Variants in BICD2 observed in about 807,000 individuals in gnomAD.
BICD2 encodes the protein BICD cargo adaptor 2.
In BICD2, 25 loss-of-function variants were observed where a neutral mutation model predicts 72.9. The ratio of observed to expected loss-of-function variants is 0.34; its 90% CI spans 0.25 to 0.48. BICD2 has a LOEUF of 0.48. Among genes scored for constraint, BICD2 ranks in the 20% least tolerant of loss-of-function variants. The probability of loss-of-function intolerance (pLI) is 0.99; values close to 1 mark genes in which losing one functional copy is unlikely to be tolerated. For synonymous variants in BICD2, 501 were observed against 516.1 expected (o/e 0.97, Z 0.40); for missense variants, 894 against 1,175.2 (o/e 0.76, Z 3.50).
intron 1 of BICD2, among the ~76,000 whole-genome samples, chr9:92,732,754 GC>G (rs143188828): frequency 1.0e-3 from 157 of 152,202 alleles, no homozygotes; most frequent in African/African-American, 3.6e-3. Context: ...AGATACAAAA[GC>G]TGAAAGAATT....
intron 1 of BICD2, 104 bp from the exon 2 acceptor site, chr9:92,729,340 A>G (rs1853635095): frequency 3.2e-6 from 4 of 1,233,894 alleles, no homozygotes; most frequent in Non-Finnish European, 2.3e-6. Flanking sequence ...AACAGCAACA[A>G]CAACGGGGAC....
At chr9:92,718,497 C>A (rs372091657) in intron 5 of BICD2, 42 bp downstream of exon 5, 3 of 1,573,382 alleles carry the variant, frequency 1.9e-6, no homozygotes, top group African/African-American at 1.3e-5. Flanking sequence ...CACCCTTAGG[C>A]CAGTAGTAGG....
intron 1 of BICD2, among the ~76,000 whole-genome samples, chr9:92,736,833 G>A (rs921994278): frequency 6.6e-6 from 1 of 152,172 alleles, no homozygotes; most frequent in Non-Finnish European, 1.5e-5. Flanking sequence ...CACACACAGA[G>A]AAACTGAGGC....
rs572969298 is a variant in BICD2, at chr9:92,752,006, T to C, written c.240+12499A>G. ...TTTTAGTAGAGACGAGGTTTCCCCATGTTGGCCAGGCTGGTCTCGAACTCC... is the reference window on the plus strand; with the variant it reads ...TTTTAGTAGAGACGAGGTTTCCCCACGTTGGCCAGGCTGGTCTCGAACTCC... On this transcript the variant is annotated intron_variant, in intron 1 of 6. Coordinates refer to ENST00000356884, the MANE Select transcript of BICD2 (RefSeq NM_001003800.2). 9.2e-5 allele frequency among the ~76,000 whole-genome samples: 14 copies of C among 152,158 alleles called. No homozygotes were observed. The East Asian group carries it at 1.7e-3, about 19-fold the overall frequency.
chr9:92,724,414 G>A (rs1411516506), intron 2 of BICD2, among the ~76,000 whole-genome samples: 2 of 152,190 alleles, frequency 1.3e-5, no homozygotes, highest in Non-Finnish European at 2.9e-5. Flanking sequence ...ACAATATACA[G>A]CAAGTACTAC....
intron 1 of BICD2, among the ~76,000 whole-genome samples, chr9:92,753,600 G>A (rs1354956959): frequency 4.6e-5 from 7 of 151,760 alleles, no homozygotes; most frequent in African/African-American, 4.8e-5. Context: ...GTGCAGTGGC[G>A]CAATCTCAGC....
chr9:92,751,890 C>A (rs1407790861), intron 1 of BICD2, among the ~76,000 whole-genome samples: 10 of 151,346 alleles, frequency 6.6e-5, no homozygotes, highest in Non-Finnish European at 8.8e-5. Context: ...CTGCAACCTC[C>A]GCCTCCTGGG....
chr9:92,750,111 C>A (rs936542309), intron 1 of BICD2, among the ~76,000 whole-genome samples: 4 of 152,230 alleles, frequency 2.6e-5, no homozygotes, highest in African/African-American at 9.6e-5. Flanking sequence ...GAGAATCTTA[C>A]GCCATCTCCT....
chr9:92,740,214 A>T (rs1055496143), intron 1 of BICD2, among the ~76,000 whole-genome samples: 1 of 152,200 alleles, frequency 6.6e-6, no homozygotes, highest in Non-Finnish European at 1.5e-5. Flanking sequence ...AGGAAATGAT[A>T]TCACAAGAGG....
intron 1 of BICD2, among the ~76,000 whole-genome samples, chr9:92,732,405 T>C (rs1335242167): frequency 6.6e-6 from 1 of 152,056 alleles, no homozygotes; most frequent in Non-Finnish European, 1.5e-5. Context: ...GAAAAAGTAA[T>C]TGAAGAAATA....
rs183146635 is a variant in BICD2 at position 92,755,045 on chromosome 9, G to C, written c.240+9460C>G. ...TTTCTCTTCTTTCAAAAGCAAATGG[G>C]AGAAATATCACTGAATTCTTTTTCT... is the stretch of plus-strand genomic sequence containing the variant. On this transcript the variant is annotated intron_variant, in intron 1 of 6. Coordinates refer to ENST00000356884, the MANE Select transcript of BICD2 (RefSeq NM_001003800.2). 4.2e-3 allele frequency among the ~76,000 whole-genome samples: 639 copies of C among 152,338 alleles called. 3 individuals are homozygous for C. The highest frequency in any genetic ancestry group is 0.014 in the African/African-American group (601 of 41,580).
chr9:92,764,425 T>C lies in BICD2; in HGVS notation c.240+80A>G, dbSNP rs968142314. ...CCGGCCCCCGCTTGGCAAGCTGACCTTGGCCGCCCTGGTGCCAGGGACGAC... is the reference window on the plus strand; with the variant it reads ...CCGGCCCCCGCTTGGCAAGCTGACCCTGGCCGCCCTGGTGCCAGGGACGAC... On this transcript the variant is annotated intron_variant, in intron 1 of 6. Coordinates refer to ENST00000356884, the MANE Select transcript of BICD2 (RefSeq NM_001003800.2). The surrounding 1 kb of genome is among the most constrained non-coding windows in gnomAD (Gnocchi z 5.5). 79 of 1,384,292 alleles carry C rather than the reference T, an allele frequency of 5.7e-5. No individual in the cohort carries two copies. Among genetic ancestry groups the C allele is most frequent in the Non-Finnish European group, 6.9e-5 (74 of 1,071,206 alleles). The allele number at this position is 1,384,292 out of a possible 1,614,324, so 85.8% of individuals were successfully genotyped here.
intron 1 of BICD2, among the ~76,000 whole-genome samples, chr9:92,735,647 G>T (rs1218529179): frequency 6.6e-6 from 1 of 151,686 alleles, no homozygotes. Flanking sequence ...AGGGCAAGTC[G>T]GGGCAGGGAG....
intron 1 of BICD2, among the ~76,000 whole-genome samples, chr9:92,737,103 C>A (rs1410870574): frequency 6.6e-6 from 1 of 151,520 alleles, no homozygotes; most frequent in Non-Finnish European, 1.5e-5. Context: ...CAGCCAACAT[C>A]CCCTGCTAGC....
rs373931118 is a variant in BICD2, at chr9:92,720,784, C to A, written c.607-29G>T. On this transcript the variant is annotated intron_variant, in intron 3 of 6. Transcript: ENST00000356884. This position sits in a 1 kb window ranked among gnomAD's most constrained non-coding sequence, Gnocchi z 5.4. ...GGAAGAGAAGTCAACGCTCTTGCAT[C>A]AATGCAATGTGGAAGCTCCTTTCAG... 1 of 1,601,382 alleles carries A rather than the reference C, an allele frequency of 6.2e-7. No individual in the cohort carries two copies. Among genetic ancestry groups the A allele is most frequent in the Non-Finnish European group, 8.5e-7 (1 of 1,172,328 alleles).
intron 1 of BICD2, among the ~76,000 whole-genome samples, chr9:92,749,643 T>C (rs1188007133): frequency 6.6e-6 from 1 of 152,246 alleles, no homozygotes. Flanking sequence ...TTAGCCAGAA[T>C]TGGGTGCCAT....
At position 92,713,072 on chromosome 9, in the gene BICD2, G is replaced by A; in HGVS notation, c.*2082C>T. On this transcript the variant is annotated 3_prime_UTR_variant, in exon 7 of 7. Coordinates refer to ENST00000356884, the MANE Select transcript of BICD2 (RefSeq NM_001003800.2). ...GGCACCTGAGACCGTCTCTACGCGA[G>A]GAATTAAGGAAGCAAATATAATATC... is the stretch of plus-strand genomic sequence containing the variant. 4.6e-6 allele frequency: 1 copy of A among 216,236 alleles called. No homozygotes were observed. The highest frequency in any genetic ancestry group is 9.4e-6 in the Non-Finnish European group (1 of 106,142). 13.4% of individuals were successfully genotyped at this position (216,236 alleles called of 1,614,324 possible).
rs1554709956 is a variant in BICD2 at position 92,764,801 on chromosome 9, AGCCGCCGCCGCTGCC to A, written c.-72_-58del. The A allele has an allele frequency of 7.7e-5, 95 of 1,235,448 alleles. 2 individuals are homozygous for A. In the South Asian group the frequency reaches 1.5e-3, roughly 20 times the overall value. 76.5% of individuals were successfully genotyped at this position (1,235,448 alleles called of 1,614,324 possible). Reference sequence around the variant, plus strand: ...GGCTCTCGCAGGCCGGGCCCTCCTCAGCCGCCGCCGCTGCCGCCGCCGCCGCCGCCCTGCCCCGAC... The same window carrying A: ...GGCTCTCGCAGGCCGGGCCCTCCTCAGCCGCCGCCGCCGCCCTGCCCCGAC... On this transcript the variant is annotated 5_prime_UTR_variant, in exon 1 of 7. Transcript: ENST00000356884. The surrounding 1 kb of genome is among the most constrained non-coding windows in gnomAD (Gnocchi z 5.5).
chr9:92,741,172 G>A (rs921422162), intron 1 of BICD2, among the ~76,000 whole-genome samples: 1 of 152,208 alleles, frequency 6.6e-6, no homozygotes, highest in Admixed American at 6.5e-5. Context: ...CAGCAGGTAT[G>A]TCATGAACTT....
Sources: allele counts gnomAD v4.1 joint callset (sites outside exome capture counted in the v4.1 genomes callset), GRCh38; gene constraint gnomAD v4.1.1; non-coding constraint Gnocchi (gnomAD v3.1); transcripts MANE v1.5; gene names NCBI Gene and HGNC (gene_info 2026-07-23, HGNC 2026-07-21).